PRKN: variants seen among roughly 807,000 people sequenced by gnomAD.
PRKN encodes parkin RBR E3 ubiquitin protein ligase, also known as E3 ubiquitin-protein ligase parkin.
In PRKN, 56 loss-of-function variants were observed where a neutral mutation model predicts 59.5. The ratio of observed to expected loss-of-function variants is 0.94; its 90% CI spans 0.76 to 1.18. The LOEUF (loss-of-function observed/expected upper bound fraction) is 1.18. Ranked by LOEUF, PRKN falls within the 50% of genes most tolerant of loss-of-function variation. The pLI, the probability that PRKN is intolerant of heterozygous loss-of-function variation, is 0.00. For synonymous variants in PRKN, 250 were observed against 222.1 expected, an observed-to-expected ratio of 1.13 and a Z score of -1.12; for missense variants, 657 against 596.4, an observed-to-expected ratio of 1.10 and a Z score of -1.06.
rs1230086361 is a variant in PRKN at position 161,533,674 on chromosome 6, C to T, written c.1083+15180G>A. On this transcript the variant is annotated intron_variant, in intron 9 of 11. Transcript: ENST00000366898. The surrounding 1 kb of genome is among the most constrained non-coding windows in gnomAD (Gnocchi z 4.1). Reference sequence around the variant, plus strand: ...TCAGACACTGCCTCCTCAAGCCTGCCTATAAAATCTGCTGGGATCTGCCAC... The same window carrying T: ...TCAGACACTGCCTCCTCAAGCCTGCTTATAAAATCTGCTGGGATCTGCCAC... Among the ~76,000 whole-genome samples, 4 of 152,124 alleles carry T rather than the reference C, an allele frequency of 2.6e-5. No homozygotes were observed. The highest frequency in any genetic ancestry group is 5.9e-5 in the Non-Finnish European group (4 of 68,034).
At chr6:161,992,772 C>A (rs556750266) in intron 5 of PRKN, among the ~76,000 whole-genome samples, 2 of 152,122 alleles carry the variant, frequency 1.3e-5, no homozygotes, top group South Asian at 4.2e-4. Flanking sequence ...CAGACAACAA[C>A]AGAATAAAAC....
chr6:161,836,563 T>G (rs1258842551), intron 6 of PRKN, among the ~76,000 whole-genome samples: 1 of 152,224 alleles, frequency 6.6e-6, no homozygotes, highest in Non-Finnish European at 1.5e-5. Context: ...TTGTTAAACC[T>G]GCTCATTATT....
intron 2 of PRKN, among the ~76,000 whole-genome samples, chr6:162,307,395 C>G (rs59469241): frequency 7.0e-6 from 1 of 142,394 alleles, no homozygotes; most frequent in Non-Finnish European, 1.5e-5. Context: ...GAGACACCGT[C>G]TCAATAAAAA....
At chr6:161,520,800 G>A (rs1778792163) in intron 9 of PRKN, among the ~76,000 whole-genome samples, 1 of 152,158 alleles carries the variant, frequency 6.6e-6, no homozygotes, top group Non-Finnish European at 1.5e-5. Flanking sequence ...TGAGAAAGCT[G>A]TTCTTCCAAA....
intron 7 of PRKN, among the ~76,000 whole-genome samples, chr6:161,761,878 A>T (rs1435907728): frequency 6.6e-6 from 1 of 152,234 alleles, no homozygotes; most frequent in Non-Finnish European, 1.5e-5. Context: ...TATCAAGAAC[A>T]ATTTGTATCT....
At chr6:162,348,737 A>G (rs144801638) in intron 2 of PRKN, among the ~76,000 whole-genome samples, 1 of 152,306 alleles carries the variant, frequency 6.6e-6, no homozygotes, top group Non-Finnish European at 1.5e-5. Context: ...TTACAAAAAC[A>G]GAGCTAAATT....
At chr6:162,546,575 C>T (rs576528197) in intron 1 of PRKN, among the ~76,000 whole-genome samples, 125 of 152,066 alleles carry the variant, frequency 8.2e-4, no homozygotes, top group African/African-American at 2.9e-3. Context: ...TCCCAAGTAG[C>T]TGGGATTACA....
At chr6:162,523,996 A>C (rs950168224) in intron 1 of PRKN, among the ~76,000 whole-genome samples, 1 of 152,172 alleles carries the variant, frequency 6.6e-6, no homozygotes, top group African/African-American at 2.4e-5. Flanking sequence ...TTTGCTGGTG[A>C]CCTTGGAGAA....
intron 3 of PRKN, among the ~76,000 whole-genome samples, chr6:162,203,589 C>G (rs1380538916): frequency 6.6e-6 from 1 of 152,156 alleles, no homozygotes. Context: ...AACACCCCGA[C>G]AATCTTCTGG....
chr6:162,596,152 T>G (rs1047949464), intron 1 of PRKN, among the ~76,000 whole-genome samples: 1 of 152,152 alleles, frequency 6.6e-6, no homozygotes, highest in Non-Finnish European at 1.5e-5. Context: ...CTTTTAAAAA[T>G]ATGTGGAATT....
At chr6:162,556,344 TGTGTGTGTGTGTGTGTGTGTGTG>T (rs1779574970) in intron 1 of PRKN, among the ~76,000 whole-genome samples, 40 of 87,384 alleles carry the variant, frequency 4.6e-4, no homozygotes, top group East Asian at 3.9e-3. Context: ...ACTCAGCTGG[TGTGTGTGTGTGTGTGTGTGTGTG>T]TGTGTGTGTG....
rs1353640654 is a variant in PRKN, at chr6:162,519,895, T to C, written c.8-76422A>G. On this transcript the variant is annotated intron_variant, in intron 1 of 11. Coordinates refer to ENST00000366898, the MANE Select transcript of PRKN (RefSeq NM_004562.3). ...TTTAGATTCATTCATGATTCACAAA[T>C]TGCATTCTGTGAATCAATAAAATAA... Among the ~76,000 whole-genome samples the C allele has an allele frequency of 3.3e-5, 5 of 152,266 alleles. No homozygotes were observed. In the South Asian group the frequency reaches 1.0e-3, roughly 32 times the overall value.
intron 1 of PRKN, among the ~76,000 whole-genome samples, chr6:162,557,690 A>G (rs554244075): frequency 6.6e-6 from 1 of 152,234 alleles, no homozygotes; most frequent in Non-Finnish European, 1.5e-5. Context: ...TTGTATTTTT[A>G]GTAGAGATGA....
intron 3 of PRKN, among the ~76,000 whole-genome samples, chr6:162,256,963 T>TGGTTA (rs1779662752): frequency 1.3e-5 from 2 of 152,310 alleles, no homozygotes; most frequent in South Asian, 4.2e-4. Flanking sequence ...TTCTTTATGT[T>TGGTTA]TCAAAACAGA....
At chr6:161,647,577 A>G (rs1378284174) in intron 7 of PRKN, among the ~76,000 whole-genome samples, 3 of 143,998 alleles carry the variant, frequency 2.1e-5, no homozygotes, top group Non-Finnish European at 4.5e-5. Flanking sequence ...ATACTCAGAG[A>G]GTATATTCCT....
rs1779815542 is a variant in PRKN at position 161,546,913 on chromosome 6, A to G, written c.1083+1941T>C. Among the ~76,000 whole-genome samples the G allele has an allele frequency of 6.6e-6, 1 of 152,102 alleles. No individual in the cohort carries two copies. Among genetic ancestry groups the G allele is most frequent in the Non-Finnish European group, 1.5e-5 (1 of 68,016 alleles). ...GCCTTCTGACAACAGCCAGTGAGGAACTGAGGACTTTTTTTGCCAACAGTC... is the reference window on the plus strand; with the variant it reads ...GCCTTCTGACAACAGCCAGTGAGGAGCTGAGGACTTTTTTTGCCAACAGTC... On this transcript the variant is annotated intron_variant, in intron 9 of 11. Transcript: ENST00000366898. This position sits in a 1 kb window ranked among gnomAD's most constrained non-coding sequence, Gnocchi z 4.4.
At chr6:161,669,819 T>C (rs1384782753) in intron 7 of PRKN, among the ~76,000 whole-genome samples, 1 of 152,216 alleles carries the variant, frequency 6.6e-6, no homozygotes, top group East Asian at 1.9e-4. Context: ...TGCAGTGATG[T>C]CATTAGTCCC....
rs117615291 is a variant in PRKN, at chr6:162,702,081, T to C, written c.7+25581A>G. On this transcript the variant is annotated intron_variant, in intron 1 of 11. Coordinates refer to ENST00000366898, the MANE Select transcript of PRKN (RefSeq NM_004562.3). ...CCTTTAAATTGATATGTCTTTAAAA[T>C]AGGAGGTGAAAACTATCGTGACAAT... Among the ~76,000 whole-genome samples, 1,046 of 152,226 alleles carry C rather than the reference T, an allele frequency of 6.9e-3. 5 individuals are homozygous for C. The highest frequency in any genetic ancestry group is 0.038 in the East Asian group (194 of 5,172).
At chr6:161,998,686 G>T (rs1424935061) in intron 5 of PRKN, among the ~76,000 whole-genome samples, 1 of 152,122 alleles carries the variant, frequency 6.6e-6, no homozygotes, top group Non-Finnish European at 1.5e-5. Flanking sequence ...ATAAGAGGAA[G>T]TTTCAGCGAA....
Sources: allele counts gnomAD v4.1 joint callset (sites outside exome capture counted in the v4.1 genomes callset), GRCh38; gene constraint gnomAD v4.1.1; non-coding constraint Gnocchi (gnomAD v3.1); transcripts MANE v1.5; gene names NCBI Gene and HGNC (gene_info 2026-07-23, HGNC 2026-07-21).